The following SEMA3E variants were observed in gnomAD, a reference collection of about 807,000 sequenced individuals.
SEMA3E encodes semaphorin-3E.
Under a neutral mutation model 93.6 loss-of-function variants are expected in SEMA3E, and 49 were observed. The ratio of observed to expected loss-of-function variants is 0.52; its 90% CI spans 0.42 to 0.66. The LOEUF (loss-of-function observed/expected upper bound fraction) is 0.66. Among genes scored for constraint, SEMA3E ranks in the 30% least tolerant of loss-of-function variants. SEMA3E has a pLI of 0.00. For synonymous variants in SEMA3E, 363 were observed against 330.7 expected (o/e 1.10, Z -1.06); for missense variants, 906 against 964.8 (o/e 0.94, Z 0.81).
intron 1 of SEMA3E, among the ~76,000 whole-genome samples, chr7:83,558,190 A>G (rs1353528207): frequency 6.6e-6 from 1 of 152,142 alleles, no homozygotes; most frequent in South Asian, 2.1e-4. Flanking sequence ...AAGCCTTGAG[A>G]TAACTAGAGA....
At chr7:83,474,095 T>TAA (rs11324407) in intron 2 of SEMA3E, among the ~76,000 whole-genome samples, 22 of 108,596 alleles carry the variant, frequency 2.0e-4, no homozygotes, top group East Asian at 1.5e-3. Context: ...CTATCTCAAT[T>TAA]AAAAAAAAAA....
chr7:83,623,498 A>T (rs1424591822), intron 1 of SEMA3E, among the ~76,000 whole-genome samples: 1 of 152,144 alleles, frequency 6.6e-6, no homozygotes, highest in Non-Finnish European at 1.5e-5. Context: ...ACTTGTAGTG[A>T]GATTCATAAG....
intron 1 of SEMA3E, among the ~76,000 whole-genome samples, chr7:83,521,214 A>G (rs1162179404): frequency 3.3e-5 from 5 of 151,984 alleles, no homozygotes; most frequent in African/African-American, 4.8e-5. Context: ...GCAGTGTCTT[A>G]GAGACCAGAC....
At chr7:83,425,439 T>TA (rs1788750500) in intron 4 of SEMA3E, among the ~76,000 whole-genome samples, 1 of 152,148 alleles carries the variant, frequency 6.6e-6, no homozygotes, top group Non-Finnish European at 1.5e-5. Flanking sequence ...ACCTTGATTT[T>TA]AACACCAGCC....
At chr7:83,437,995 T>C (rs532150817) in intron 4 of SEMA3E, among the ~76,000 whole-genome samples, 100 of 152,306 alleles carry the variant, frequency 6.6e-4, no homozygotes, top group Admixed American at 1.8e-3. Context: ...GTTGGCAATA[T>C]GTGCTAGAAA....
At chr7:83,558,644 C>T (rs74402303) in intron 1 of SEMA3E, among the ~76,000 whole-genome samples, 14,938 of 151,812 alleles carry the variant, frequency 0.098, 965 homozygotes, top group East Asian at 0.2. Context: ...AGATATGAAC[C>T]AACTATTTTA....
intron 1 of SEMA3E, among the ~76,000 whole-genome samples, chr7:83,545,787 G>C (rs1791636494): frequency 6.9e-6 from 1 of 144,838 alleles, no homozygotes. Flanking sequence ...TAGAATGTGT[G>C]TATATATATA....
intron 1 of SEMA3E, among the ~76,000 whole-genome samples, chr7:83,594,713 A>G (rs1229298480): frequency 2.0e-5 from 3 of 152,058 alleles, no homozygotes; most frequent in African/African-American, 7.2e-5. Context: ...TCCCCTTTCT[A>G]AGAACCTGAT....
intron 3 of SEMA3E, 60 bp downstream of exon 3, chr7:83,469,183 T>G: frequency 7.3e-7 from 1 of 1,365,982 alleles, no homozygotes. Flanking sequence ...GATTCAGTTC[T>G]TTGTGGTTAA....
At chr7:83,407,390 C>G in intron 6 of SEMA3E, 151 bp from the exon 7 acceptor site, 2 of 718,714 alleles carry the variant, frequency 2.8e-6, no homozygotes, top group Non-Finnish European at 4.5e-6. Flanking sequence ...TTTTACCAAA[C>G]ATTAAAAACT....
intron 1 of SEMA3E, among the ~76,000 whole-genome samples, chr7:83,507,620 T>C (rs1183535280): frequency 6.6e-6 from 1 of 151,476 alleles, no homozygotes; most frequent in East Asian, 1.9e-4. Flanking sequence ...CACTTTGCAA[T>C]AGGGAAAAGA....
chr7:83,490,738 A>G (rs982414114), intron 1 of SEMA3E, among the ~76,000 whole-genome samples: 10 of 152,084 alleles, frequency 6.6e-5, no homozygotes, highest in African/African-American at 2.2e-4. Context: ...AGTGTCATCA[A>G]TACAATGAGG....
intron 1 of SEMA3E, among the ~76,000 whole-genome samples, chr7:83,509,328 T>G (rs1395640650): frequency 6.6e-6 from 1 of 152,132 alleles, no homozygotes; most frequent in Non-Finnish European, 1.5e-5. Flanking sequence ...TTGATCCAAA[T>G]GCAGTTTTCA....
intron 16 of SEMA3E, among the ~76,000 whole-genome samples, chr7:83,381,264 T>C (rs914074576): frequency 1.3e-5 from 2 of 152,014 alleles, no homozygotes; most frequent in African/African-American, 4.8e-5. Flanking sequence ...CTCTGGTTCA[T>C]GGTCTATTAG....
At chr7:83,646,614 A>G (rs960272099) in intron 1 of SEMA3E, among the ~76,000 whole-genome samples, 4 of 152,088 alleles carry the variant, frequency 2.6e-5, no homozygotes, top group African/African-American at 9.7e-5. Context: ...AGTCTATTGT[A>G]CATATAGATA....
chr7:83,613,333 T>G (rs1181497582), intron 1 of SEMA3E, among the ~76,000 whole-genome samples: 3 of 152,140 alleles, frequency 2.0e-5, no homozygotes, highest in East Asian at 1.9e-4. Flanking sequence ...TGGAAGGAAT[T>G]ATCAATTCTT....
chr7:83,372,417 C>T lies in SEMA3E; in HGVS notation c.1876-4379G>A, dbSNP rs79160817. On this transcript the variant is annotated intron_variant, in intron 16 of 16. Coordinates refer to ENST00000643230, the MANE Select transcript of SEMA3E (RefSeq NM_012431.3). ...ATCTAGCCTAGTTTCCAGCATATAGCAAGCAGTTTATGAAAGTGATTTAAA... is the reference window on the plus strand; with the variant it reads ...ATCTAGCCTAGTTTCCAGCATATAGTAAGCAGTTTATGAAAGTGATTTAAA... 7.2e-3 allele frequency: 2,828 copies of T among 393,160 alleles called. 127 individuals carry two copies. In the East Asian group the frequency reaches 0.097, roughly 13 times the overall value. 24.4% of individuals were successfully genotyped at this position (393,160 alleles called of 1,614,324 possible).
At chr7:83,604,058 T>C (rs1793053385) in intron 1 of SEMA3E, among the ~76,000 whole-genome samples, 1 of 152,164 alleles carries the variant, frequency 6.6e-6, no homozygotes, top group Non-Finnish European at 1.5e-5. Flanking sequence ...TGCATGGTTC[T>C]CTTAATGAAC....
chr7:83,500,986 G>A (rs944455323), intron 1 of SEMA3E, among the ~76,000 whole-genome samples: 1 of 152,106 alleles, frequency 6.6e-6, no homozygotes, highest in African/African-American at 2.4e-5. Context: ...TGTTAAGCAT[G>A]TTTAGATAGG....
Sources: gnomAD v4.1 joint callset for allele counts (sites outside exome capture counted in the v4.1 genomes callset) on GRCh38, gnomAD v4.1.1 for gene constraint, MANE v1.5 for transcripts, NCBI Gene and HGNC (gene_info 2026-07-23, HGNC 2026-07-21) for gene names.